Variants in TAF1B observed in about 807,000 individuals in gnomAD.
TAF1B encodes the protein TATA-box binding protein associated factor, RNA polymerase I subunit B.
A neutral mutation model predicts 83.9 loss-of-function variants in TAF1B; 61 were observed. The ratio of observed to expected loss-of-function variants is 0.73; its 90% confidence interval spans 0.59 to 0.90. TAF1B has a LOEUF of 0.90. TAF1B is among the 40% of genes least tolerant of loss of function. TAF1B has a pLI of 0.00. For synonymous variants in TAF1B, 221 were observed against 224.6 expected, an observed-to-expected ratio of 0.98 and a Z score of 0.14; for missense variants, 625 against 677.0, an observed-to-expected ratio of 0.92 and a Z score of 0.85.
At chr2:9,843,720 C>T (rs1663101906) in intron 1 of TAF1B, 161 bp downstream of exon 1, 6 of 718,792 alleles carry the variant, frequency 8.3e-6, no homozygotes, top group Admixed American at 3.8e-5. Context: ...TGGGGCTGGC[C>T]GGCCGCATGC....
intron 7 of TAF1B, among the ~76,000 whole-genome samples, chr2:9,878,543 C>T (rs1023692589): frequency 6.6e-6 from 1 of 152,218 alleles, no homozygotes; most frequent in African/African-American, 2.4e-5. Context: ...AGTCCTCTAG[C>T]AGCATCCATA....
At chr2:9,902,386 T>A (rs1390518874) in intron 8 of TAF1B, among the ~76,000 whole-genome samples, 1 of 152,200 alleles carries the variant, frequency 6.6e-6, no homozygotes, top group Non-Finnish European at 1.5e-5. Flanking sequence ...GGAGCTCTGC[T>A]GGGTGCTCCC....
chr2:9,924,071 A>G (rs1266810403), intron 14 of TAF1B, among the ~76,000 whole-genome samples: 3 of 152,218 alleles, frequency 2.0e-5, no homozygotes, highest in Non-Finnish European at 4.4e-5. Flanking sequence ...GAAACTGCTG[A>G]GATTTTTTTC....
At chr2:9,904,355 G>A (rs1025824088) in intron 8 of TAF1B, among the ~76,000 whole-genome samples, 2 of 152,192 alleles carry the variant, frequency 1.3e-5, no homozygotes, top group Non-Finnish European at 2.9e-5. Context: ...GAGAAATGCA[G>A]TATTTGGATT....
intron 9 of TAF1B, among the ~76,000 whole-genome samples, chr2:9,905,371 G>A (rs921025360): frequency 3.3e-5 from 5 of 152,048 alleles, no homozygotes; most frequent in Non-Finnish European, 5.9e-5. Context: ...TTTGCATGAG[G>A]CATTATTATT....
intron 9 of TAF1B, among the ~76,000 whole-genome samples, chr2:9,906,053 TTTCTGCTTCTTTGA>T (rs1665332478): frequency 6.6e-6 from 1 of 151,526 alleles, no homozygotes; most frequent in Non-Finnish European, 1.5e-5. Flanking sequence ...TTTTTTTTTC[TTTCTGCTTCTTTGA>T]TGGGTCTCTC....
chr2:9,906,974 C>A (rs1309685618), intron 9 of TAF1B, among the ~76,000 whole-genome samples: 2 of 152,082 alleles, frequency 1.3e-5, no homozygotes, highest in African/African-American at 4.8e-5. Context: ...AACTCCTGGG[C>A]TCCAGTGATC....
At chr2:9,909,675 G>A (rs1665463500) in intron 9 of TAF1B, among the ~76,000 whole-genome samples, 1 of 152,180 alleles carries the variant, frequency 6.6e-6, no homozygotes, top group Admixed American at 6.5e-5. Flanking sequence ...GGAAGAAAGG[G>A]GATGGATTGG....
chr2:9,861,117 G>T (rs1462233767), intron 5 of TAF1B, among the ~76,000 whole-genome samples: 2 of 152,248 alleles, frequency 1.3e-5, no homozygotes, highest in Non-Finnish European at 2.9e-5. Flanking sequence ...AGCGGGTGCA[G>T]CACACCGTGC....
intron 4 of TAF1B, 145 bp from the exon 5 acceptor site, chr2:9,854,181 C>T: frequency 3.3e-6 from 2 of 605,558 alleles, no homozygotes. Flanking sequence ...ATTTTGTTCT[C>T]AACTTGTGAA....
Position 9,854,395 on chromosome 2 carries a change from G to A in TAF1B, c.373G>A (p.Val125Ile). The A allele has an allele frequency of 6.2e-7, 1 of 1,613,970 alleles. No individual in the cohort carries two copies. The change falls in exon 5 of 15, where the codon GTT (valine) becomes ATT (isoleucine). Residue 125 changes from valine (V) to isoleucine (I), a missense_variant. By Grantham distance (29) the Val-to-Ile change is conservative (BLOSUM62 3). Transcript: ENST00000263663. The stretch of plus-strand genomic sequence containing the variant: ...CAAGCAGGCATATTGTAAGAACCCA[G>A]TTTATACCACTGGAAGGAAACCTAC... ...KSKQAYCKNP[V>I]YTTGRKPTVL...
intron 8 of TAF1B, among the ~76,000 whole-genome samples, chr2:9,898,641 A>G (rs571199322): frequency 5.3e-5 from 8 of 152,344 alleles, no homozygotes; most frequent in Non-Finnish European, 1.2e-4. Context: ...AGTACAGTGT[A>G]TCTAATGGAG....
chr2:9,862,504 A>G (rs1663808163), intron 5 of TAF1B, among the ~76,000 whole-genome samples: 1 of 152,272 alleles, frequency 6.6e-6, no homozygotes, highest in South Asian at 2.1e-4. Context: ...AATCGAACCA[A>G]GTTGGAAAAC....
intron 7 of TAF1B, 25 bp downstream of exon 7, chr2:9,876,043 A>G (rs373193897): frequency 1.1e-4 from 174 of 1,572,220 alleles, no homozygotes; most frequent in Non-Finnish European, 1.5e-4. Flanking sequence ...TTGTATGATA[A>G]TATTTTTGCT....
intron 14 of TAF1B, among the ~76,000 whole-genome samples, chr2:9,920,788 G>A (rs774583286): frequency 9.9e-5 from 15 of 152,250 alleles, no homozygotes; most frequent in South Asian, 2.1e-4. Context: ...CGTATCTGTC[G>A]AGTGTGGGCA....
At chr2:9,866,577 C>T (rs1413876110) in intron 5 of TAF1B, among the ~76,000 whole-genome samples, 1 of 152,194 alleles carries the variant, frequency 6.6e-6, no homozygotes, top group Admixed American at 6.5e-5. Flanking sequence ...CCAGCCATCC[C>T]ATTACTGGGT....
intron 5 of TAF1B, among the ~76,000 whole-genome samples, chr2:9,862,925 A>G (rs1473895179): frequency 1.3e-5 from 2 of 152,194 alleles, no homozygotes; most frequent in African/African-American, 4.8e-5. Flanking sequence ...GGCCTGCCCT[A>G]AAAGAGCTCC....
chr2:9,853,159 A>C (rs1053098487), intron 4 of TAF1B, among the ~76,000 whole-genome samples: 1 of 152,204 alleles, frequency 6.6e-6, no homozygotes, highest in African/African-American at 2.4e-5. Flanking sequence ...GTTTGTTCCT[A>C]TGTAGCTTTA....
At chr2:9,844,114 ATTTTG>A (rs1456535640) in intron 1 of TAF1B, among the ~76,000 whole-genome samples, 1 of 152,114 alleles carries the variant, frequency 6.6e-6, no homozygotes, top group Non-Finnish European at 1.5e-5. Flanking sequence ...TTTGGCATGC[ATTTTG>A]TTTTGTTTTA....
Sources: gnomAD v4.1 joint callset for allele counts (sites outside exome capture counted in the v4.1 genomes callset) on GRCh38, gnomAD v4.1.1 for gene constraint, MANE v1.5 for transcripts, NCBI Gene and HGNC (gene_info 2026-07-23, HGNC 2026-07-21) for gene names.